The following GRM4 variants were observed in gnomAD, a reference collection of about 807,000 sequenced individuals.
GRM4 encodes the protein glutamate metabotropic receptor 4.
GRM4 carries 28 observed loss-of-function variants against 81.7 expected under a neutral mutation model. That is an observed-to-expected ratio of 0.34 (90% CI 0.25 to 0.47). GRM4 has a LOEUF of 0.47. GRM4 is among the 20% of genes least tolerant of loss of function. The probability of loss-of-function intolerance (pLI) is 1.00; values close to 1 mark genes in which losing one functional copy is unlikely to be tolerated. For missense variants in GRM4, 948 were observed against 1,290.0 expected, an observed-to-expected ratio of 0.73 and a Z score of 4.06; for synonymous variants, 488 against 528.8, an observed-to-expected ratio of 0.92 and a Z score of 1.06.
chr6:34,042,191 G>A lies in GRM4; in HGVS notation c.1169-1443C>T, dbSNP rs1028052687. 2.0e-5 allele frequency among the ~76,000 whole-genome samples: 3 copies of A among 152,216 alleles called. No homozygotes were observed. Among genetic ancestry groups the A allele is most frequent in the Non-Finnish European group, 4.4e-5 (3 of 68,042 alleles). ...TGAGGCACAAGGATCACATGAACCC[G>A]GGAGGCGGAGCTTGCAGTGAGCTGA... is the stretch of plus-strand genomic sequence containing the variant. On this transcript the variant is annotated intron_variant, in intron 6 of 10. Transcript: ENST00000538487. The surrounding 1 kb of genome is among the most constrained non-coding windows in gnomAD (Gnocchi z 4.2).
In GRM4 at chr6:34,136,954, G is replaced by A. The variant is rs1219038445; in HGVS notation, c.-363-3095C>T. Among the ~76,000 whole-genome samples, 1 of 152,128 alleles carries A rather than the reference G, an allele frequency of 6.6e-6. No homozygotes were observed. Among genetic ancestry groups the A allele is most frequent in the Non-Finnish European group, 1.5e-5 (1 of 68,014 alleles). Reference sequence around the variant, plus strand: ...GTGTGGTGGGGTGGGTTGGGGTGGGGGCCAGGCGGATGCTCCCTTCCCCCG... The same window carrying A: ...GTGTGGTGGGGTGGGTTGGGGTGGGAGCCAGGCGGATGCTCCCTTCCCCCG... On this transcript the variant is annotated intron_variant, in intron 1 of 10. Transcript: ENST00000538487. The surrounding 1 kb of genome is among the most constrained non-coding windows in gnomAD (Gnocchi z 4.1).
intron 10 of GRM4, among the ~76,000 whole-genome samples, chr6:34,026,003 C>G (rs183049421): frequency 9.2e-4 from 140 of 152,310 alleles, no homozygotes; most frequent in African/African-American, 2.8e-3. Context: ...CCCGAGCCCA[C>G]CCGGTGCTGA....
intron 1 of GRM4, among the ~76,000 whole-genome samples, chr6:34,135,315 C>A (rs1770416553): frequency 6.6e-6 from 1 of 152,192 alleles, no homozygotes; most frequent in East Asian, 1.9e-4. Context: ...CTTCTAGACC[C>A]TCATTTCACA....
rs1441547727 is a variant in GRM4 at position 34,090,983 on chromosome 6, A to G, written c.736+900T>C. Among the ~76,000 whole-genome samples, 1 of 151,972 alleles carries G rather than the reference A, an allele frequency of 6.6e-6. No individual in the cohort carries two copies. The highest frequency in any genetic ancestry group is 2.4e-5 in the African/African-American group (1 of 41,354). ...TTCCCCCACACACAACAGGGCCCCG[A>G]GGAAGTCACAGGCACCATCCTTCAG... On this transcript the variant is annotated intron_variant, in intron 3 of 10. Coordinates refer to ENST00000538487, the MANE Select transcript of GRM4 (RefSeq NM_000841.4). This position sits in a 1 kb window ranked among gnomAD's most constrained non-coding sequence, Gnocchi z 5.2.
At chr6:34,066,160 C>T (rs911035131) in intron 3 of GRM4, among the ~76,000 whole-genome samples, 5 of 152,290 alleles carry the variant, frequency 3.3e-5, no homozygotes, top group East Asian at 1.9e-4. Context: ...CTGAACGTGC[C>T]GGCTGCCTCC....
chr6:34,108,702 C>T (rs1245657139), intron 2 of GRM4, among the ~76,000 whole-genome samples: 2 of 152,212 alleles, frequency 1.3e-5, no homozygotes, highest in Non-Finnish European at 2.9e-5. Context: ...CTCCCAATGT[C>T]CAGTTCAGTG....
At chr6:34,040,843 A>G in intron 6 of GRM4, 95 bp from the exon 7 acceptor site, 1 of 1,017,944 alleles carries the variant, frequency 9.8e-7, no homozygotes, top group Non-Finnish European at 1.5e-6. Flanking sequence ...CACCTGGAGA[A>G]GTGGCACGGC....
chr6:34,060,628 C>G (rs3778068), intron 4 of GRM4: 94,359 of 152,122 alleles, frequency 0.62, 29,508 homozygotes, highest in South Asian at 0.68. Context: ...TAGCTGGGTG[C>G]GGTGTGGGAG....
chr6:34,035,592 C>A lies in GRM4; in HGVS notation c.2442+76G>T. On this transcript the variant is annotated intron_variant, in intron 9 of 10. Transcript: ENST00000538487. This position sits in a 1 kb window ranked among gnomAD's most constrained non-coding sequence, Gnocchi z 6.6. ...GGCATTTCTGGAGCAGGGGGGAGGC[C>A]AGCCAGCCTCAGGAGGCTGCCCCTT... The A allele has an allele frequency of 2.5e-6, 2 of 811,336 alleles. No homozygotes were observed. Among genetic ancestry groups the A allele is most frequent in the Admixed American group, 3.0e-5 (1 of 33,210 alleles). 50.3% of individuals were successfully genotyped at this position (811,336 alleles called of 1,614,324 possible).
At chr6:34,023,647 A>G (rs1763999917) in intron 10 of GRM4, among the ~76,000 whole-genome samples, 1 of 152,030 alleles carries the variant, frequency 6.6e-6, no homozygotes, top group Non-Finnish European at 1.5e-5. Flanking sequence ...ACTCCACACC[A>G]GGACTGGGGT....
chr6:34,061,793 G>A, intron 4 of GRM4, 100 bp downstream of exon 4: 1 of 1,291,356 alleles, frequency 7.7e-7, no homozygotes, highest in South Asian at 1.4e-5. Context: ...CCCAGGGTGG[G>A]GTCAGGCTCG....
chr6:34,082,856 C>G (rs185620848), intron 3 of GRM4, among the ~76,000 whole-genome samples: 52 of 152,328 alleles, frequency 3.4e-4, no homozygotes, highest in African/African-American at 9.6e-4. Flanking sequence ...CTCATGATGG[C>G]AGAGCCAGAT....
intron 3 of GRM4, among the ~76,000 whole-genome samples, chr6:34,075,877 C>T (rs971612242): frequency 1.3e-5 from 2 of 152,220 alleles, no homozygotes; most frequent in East Asian, 1.9e-4. Flanking sequence ...CATGCTCAAC[C>T]GACGATAGCG....
chr6:34,082,693 G>A (rs1205897476), intron 3 of GRM4, among the ~76,000 whole-genome samples: 1 of 152,210 alleles, frequency 6.6e-6, no homozygotes, highest in Non-Finnish European at 1.5e-5. Flanking sequence ...ACCAGTGCTC[G>A]GTGCAGTGCC....
chr6:34,139,228 C>T (rs530966247), intron 1 of GRM4, among the ~76,000 whole-genome samples: 1 of 152,370 alleles, frequency 6.6e-6, no homozygotes, highest in East Asian at 1.9e-4. Context: ...AATCCACAAG[C>T]TGTCCCCTCC....
rs1463443305 is a variant in GRM4 at position 34,080,810 on chromosome 6, C to A, written c.736+11073G>T. Among the ~76,000 whole-genome samples, 1 of 141,706 alleles carries A rather than the reference C, an allele frequency of 7.1e-6. No individual in the cohort carries two copies. Among genetic ancestry groups the A allele is most frequent in the East Asian group, 2.1e-4 (1 of 4,814 alleles). The allele number at this position is 141,706 out of a possible 152,430, so 93.0% of individuals were successfully genotyped here. ...TGACTTGAGGGATCCTGATCCACTTCTCTCTTCTCTCTCTCTCTCTCACAC... is the reference window on the plus strand; with the variant it reads ...TGACTTGAGGGATCCTGATCCACTTATCTCTTCTCTCTCTCTCTCTCACAC... On this transcript the variant is annotated intron_variant, in intron 3 of 10. Transcript: ENST00000538487. This position sits in a 1 kb window ranked among gnomAD's most constrained non-coding sequence, Gnocchi z 5.4.
At chr6:34,153,930 A>G (rs1030471223) in intron 1 of GRM4, among the ~76,000 whole-genome samples, 1 of 151,696 alleles carries the variant, frequency 6.6e-6, no homozygotes, top group Non-Finnish European at 1.5e-5. Flanking sequence ...TGTCTCAAAA[A>G]AAAAAAAAAA....
At chr6:34,137,829 C>T (rs1770521987) in intron 1 of GRM4, among the ~76,000 whole-genome samples, 2 of 147,704 alleles carry the variant, frequency 1.4e-5, no homozygotes, top group South Asian at 4.3e-4. Context: ...CTCCTGAGCT[C>T]AAGCGATCCT....
rs6920243 is a variant in GRM4, at chr6:34,152,663, G to A, written c.312+2416C>T. ...AGCCCACACGCCAGCTCCTACCCTC[G>A]TGGGCTGCATTTTAATGGCGTTTGA... On this transcript the variant is annotated intron_variant, in intron 1 of 8. Transcript: ENST00000374177. This position sits in a 1 kb window ranked among gnomAD's most constrained non-coding sequence, Gnocchi z 4.1. 3.8e-3 allele frequency among the ~76,000 whole-genome samples: 582 copies of A among 152,312 alleles called. 3 individuals are homozygous for A. The highest frequency in any genetic ancestry group is 0.013 in the African/African-American group (523 of 41,566).
Sources: allele counts gnomAD v4.1 joint callset (sites outside exome capture counted in the v4.1 genomes callset), GRCh38; gene constraint gnomAD v4.1.1; non-coding constraint Gnocchi (gnomAD v3.1); transcripts MANE v1.5; gene names NCBI Gene and HGNC (gene_info 2026-07-23, HGNC 2026-07-21).